The following NCKAP5 variants were observed in gnomAD, a reference collection of about 807,000 sequenced individuals.
NCKAP5 encodes the protein nck-associated protein 5.
NCKAP5 carries 92 observed loss-of-function variants against 167.0 expected under a neutral mutation model. The ratio of observed to expected loss-of-function variants is 0.55; its 90% CI spans 0.47 to 0.66. The LOEUF (loss-of-function observed/expected upper bound fraction) is 0.66, where lower values mean the gene tolerates loss of function less well. Ranked by LOEUF, NCKAP5 falls within the 30% of genes least tolerant of loss-of-function variation. The probability of loss-of-function intolerance (pLI) is 0.00; values close to 1 mark genes in which losing one functional copy is unlikely to be tolerated. For synonymous variants in NCKAP5, 891 were observed against 877.4 expected (o/e 1.02, Z -0.27); for missense variants, 2,378 against 2,315.0 (o/e 1.03, Z -0.56).
intron 11 of NCKAP5, among the ~76,000 whole-genome samples, chr2:132,800,146 A>G (rs141489306): frequency 4.3e-4 from 65 of 152,314 alleles, no homozygotes; most frequent in African/African-American, 1.5e-3. Flanking sequence ...TGTATACATT[A>G]GAAATTTAAG....
At chr2:133,457,366 A>C (rs1691925997) in intron 3 of NCKAP5, among the ~76,000 whole-genome samples, 1 of 152,166 alleles carries the variant, frequency 6.6e-6, no homozygotes, top group South Asian at 2.1e-4. Context: ...CCTTGGTGAG[A>C]TATCAAATCC....
At chr2:132,962,786 T>C (rs1214171686) in intron 8 of NCKAP5, among the ~76,000 whole-genome samples, 1 of 152,024 alleles carries the variant, frequency 6.6e-6, no homozygotes, top group East Asian at 1.9e-4. Flanking sequence ...AGAGACGGGG[T>C]TTCACCTTGT....
intron 19 of NCKAP5, among the ~76,000 whole-genome samples, 157 bp from the exon 20 acceptor site, chr2:132,673,462 TAAA>T (rs753263786): frequency 3.3e-5 from 5 of 152,182 alleles, no homozygotes; most frequent in Non-Finnish European, 5.9e-5. Flanking sequence ...GATGTAATAA[TAAA>T]GCCAATTTTA....
chr2:133,627,116 A>G, the NCKAP5 span, among the ~76,000 whole-genome samples: 1 of 152,184 alleles, frequency 6.6e-6, no homozygotes, highest in Admixed American at 6.5e-5. Context: ...TTTGAAATAC[A>G]TGTATCTTTA....
At chr2:133,087,831 C>T (rs1336150148) in intron 6 of NCKAP5, among the ~76,000 whole-genome samples, 2 of 152,210 alleles carry the variant, frequency 1.3e-5, no homozygotes, top group Non-Finnish European at 2.9e-5. Context: ...CATTCCTTCA[C>T]TGCTTTTCAC....
the NCKAP5 span, among the ~76,000 whole-genome samples, chr2:133,595,426 C>T: frequency 6.6e-6 from 1 of 151,718 alleles, no homozygotes; most frequent in South Asian, 2.1e-4. Flanking sequence ...CTCCCCACCT[C>T]CTCTTCTTCT....
intron 3 of NCKAP5, among the ~76,000 whole-genome samples, chr2:133,405,956 T>C (rs550243083): frequency 1.5e-4 from 23 of 152,256 alleles, no homozygotes; most frequent in Non-Finnish European, 2.9e-4. Context: ...CACAGGCAAC[T>C]CTTCGACAGT....
At chr2:133,384,487 C>T (rs12373837) in intron 3 of NCKAP5, among the ~76,000 whole-genome samples, 322 of 152,210 alleles carry the variant, frequency 2.1e-3, no homozygotes, top group South Asian at 5.4e-3. Flanking sequence ...AGTCAGGTAG[C>T]GTGATGCCTC....
At chr2:133,303,234 G>C (rs1428430635) in intron 3 of NCKAP5, 124 bp from the exon 4 acceptor site, 1 of 651,938 alleles carries the variant, frequency 1.5e-6, no homozygotes, top group African/African-American at 1.8e-5. Context: ...TCCGGTTCTA[G>C]GATTCTCTGC....
At chr2:132,977,161 A>G (rs1241735316) in intron 7 of NCKAP5, among the ~76,000 whole-genome samples, 1 of 152,174 alleles carries the variant, frequency 6.6e-6, no homozygotes, top group Non-Finnish European at 1.5e-5. Context: ...CATCCCTATC[A>G]CCACACACTG....
intron 6 of NCKAP5, among the ~76,000 whole-genome samples, chr2:133,001,377 G>A (rs760461389): frequency 4.6e-5 from 7 of 151,852 alleles, no homozygotes; most frequent in Non-Finnish European, 7.4e-5. Context: ...AGCCCTCAAT[G>A]CCTGGCTAAA....
At chr2:133,343,236 G>A (rs1683716517) in intron 3 of NCKAP5, among the ~76,000 whole-genome samples, 1 of 152,140 alleles carries the variant, frequency 6.6e-6, no homozygotes, top group African/African-American at 2.4e-5. Context: ...GCAATGTGAT[G>A]TAGTATCAGC....
intron 6 of NCKAP5, among the ~76,000 whole-genome samples, chr2:133,079,521 C>T (rs2080732007): frequency 6.6e-6 from 1 of 152,054 alleles, no homozygotes; most frequent in Non-Finnish European, 1.5e-5. Context: ...GAAAGTAATC[C>T]TAAACATCTT....
At chr2:132,698,911 C>G (rs1217886466) in intron 19 of NCKAP5, among the ~76,000 whole-genome samples, 1 of 152,114 alleles carries the variant, frequency 6.6e-6, no homozygotes. Flanking sequence ...ACCAGAAACT[C>G]TGGGTTAAGG....
chr2:133,266,515 G>T (rs1200463377), intron 4 of NCKAP5: 1 of 152,434 alleles, frequency 6.6e-6, no homozygotes, highest in Non-Finnish European at 1.5e-5. Context: ...CTCCTTACCT[G>T]GCCTTCGGTG....
At chr2:132,902,108 A>G (rs914241944) in intron 8 of NCKAP5, among the ~76,000 whole-genome samples, 1 of 152,216 alleles carries the variant, frequency 6.6e-6, no homozygotes. Context: ...ATGATAATAA[A>G]CCCGATTTTA....
intron 8 of NCKAP5, among the ~76,000 whole-genome samples, chr2:132,884,983 A>C (rs1262958872): frequency 1.3e-5 from 2 of 152,192 alleles, no homozygotes; most frequent in Non-Finnish European, 2.9e-5. Flanking sequence ...AAATACCTAA[A>C]GGGTGCTGGT....
At chr2:133,523,327 TACTC>T (rs1335626201) in intron 2 of NCKAP5, among the ~76,000 whole-genome samples, 3 of 147,342 alleles carry the variant, frequency 2.0e-5, no homozygotes, top group Admixed American at 1.3e-4. Context: ...CACACACACA[TACTC>T]ACTCACTCAG....
At chr2:133,369,558 G>T (rs985926117) in intron 3 of NCKAP5, among the ~76,000 whole-genome samples, 27 of 152,182 alleles carry the variant, frequency 1.8e-4, no homozygotes, top group Non-Finnish European at 4.4e-5. Context: ...CTTTCAATTT[G>T]CAATGTGGCT....
Sources: allele counts gnomAD v4.1 joint callset (sites outside exome capture counted in the v4.1 genomes callset), GRCh38; gene constraint gnomAD v4.1.1; transcripts MANE v1.5; gene names NCBI Gene and HGNC (gene_info 2026-07-23, HGNC 2026-07-21).